Variants in FXYD3 observed in about 807,000 individuals in gnomAD.
FXYD3 encodes FXYD domain-containing ion transport regulator 3.
In FXYD3, 13 loss-of-function variants were observed where a neutral mutation model predicts 19.2. That is an observed-to-expected ratio of 0.68 (90% CI 0.44 to 1.08). The LOEUF (loss-of-function observed/expected upper bound fraction) is 1.08, where lower values mean the gene tolerates loss of function less well. Ranked by LOEUF, FXYD3 falls within the 50% of genes least tolerant of loss-of-function variation. FXYD3 has a pLI of 0.00. For synonymous variants in FXYD3, 48 were observed against 38.9 expected (o/e 1.23, Z -0.87); for missense variants, 101 against 109.4 (o/e 0.92, Z 0.34).
chr19:35,119,264 C>A (rs1183885044), intron 2 of FXYD3, 99 bp from the exon 3 acceptor site: 3 of 1,612,780 alleles, frequency 1.9e-6, no homozygotes, highest in African/African-American at 1.3e-5. Flanking sequence ...GAGCTGCGCA[C>A]CCTGCCTGGG....
intron 5 of FXYD3, 70 bp from the exon 6 acceptor site, chr19:35,122,695 G>A: frequency 1.6e-6 from 2 of 1,269,604 alleles, no homozygotes; most frequent in South Asian, 1.2e-5. Context: ...ATATATATTT[G>A]TCAAGAGAAT....
chr19:35,119,185 TC>T, intron 2 of FXYD3, 177 bp from the exon 3 acceptor site: 2 of 1,559,990 alleles, frequency 1.3e-6, no homozygotes, highest in Non-Finnish European at 1.7e-6. Flanking sequence ...TTTCACCCAG[TC>T]CCCACTCCAC....
At position 35,123,423 on chromosome 19, in the gene FXYD3, C is replaced by G. The variant is rs1204736530; in HGVS notation, c.248-18C>G. 1.2e-6 allele frequency: 2 copies of G among 1,613,982 alleles called. No homozygotes were observed. Among genetic ancestry groups the G allele is most frequent in the South Asian group, 2.2e-5 (2 of 91,072 alleles). ...AACTCAATCCACCCTCACAAACGGA[C>G]CCCATCACTTCCCGCAGGCTCAGCC... On this transcript the variant is annotated intron_variant, in intron 8 of 8. Transcript: ENST00000604404.
intron 3 of FXYD3, 90 bp downstream of exon 3, chr19:35,119,506 C>T (rs1408272211): frequency 2.5e-6 from 3 of 1,204,810 alleles, no homozygotes; most frequent in Non-Finnish European, 3.7e-6. Flanking sequence ...TTTCTACCTC[C>T]CCGGGAAGGT....
In FXYD3 at chr19:35,121,331, G is replaced by A. The variant is rs1255776477; in HGVS notation, c.97+86G>A. The A allele has an allele frequency of 9.3e-6, 15 of 1,613,972 alleles. No homozygotes were observed. The African/African-American group carries it at 9.3e-5, about 10-fold the overall frequency. On this transcript the variant is annotated intron_variant, in intron 5 of 8. Coordinates refer to ENST00000604404, the MANE Select transcript of FXYD3 (RefSeq NM_005971.4). ...TTCCCATACAGGGTTGGGGCCTGAC[G>A]TGAGCATCACAGGACAAAGATACGA... is the stretch of plus-strand genomic sequence containing the variant.
At position 35,122,722 on chromosome 19, in the gene FXYD3, A is replaced by G. The variant is rs202118232; in HGVS notation, c.98-43A>G. 5.7e-4 allele frequency: 839 copies of G among 1,479,372 alleles called. 1 individual carries two copies. The highest frequency in any genetic ancestry group is 1.2e-3 in the Middle Eastern group (6 of 5,194). The allele number at this position is 1,479,372 out of a possible 1,614,324, so 91.6% of individuals were successfully genotyped here. A position where few individuals can be genotyped will look rare whatever the true frequency, so the allele number is the denominator to read the frequency against. ...CAAGAGAATGGGGGGACAGATGGAG[A>G]GGACACAGGCTGGCACTGAGGTCCC... is the stretch of plus-strand genomic sequence containing the variant. On this transcript the variant is annotated intron_variant, in intron 5 of 8. Coordinates refer to ENST00000604404, the MANE Select transcript of FXYD3 (RefSeq NM_005971.4).
intron 2 of FXYD3, chr19:35,117,129 C>T: frequency 7.5e-7 from 1 of 1,327,060 alleles, no homozygotes; most frequent in Non-Finnish European, 9.6e-7. Context: ...ACCTGCTCAC[C>T]AACCACATCA....
intron 3 of FXYD3, among the ~76,000 whole-genome samples, chr19:35,120,574 T>C (rs539732606): frequency 1.3e-5 from 2 of 152,286 alleles, no homozygotes; most frequent in African/African-American, 2.4e-5. Context: ...CCCTGCAGGG[T>C]AGTGATCTAA....
At chr19:35,117,930 A>G (rs2064936912) in intron 2 of FXYD3, 1 of 152,036 alleles carries the variant, frequency 6.6e-6, no homozygotes, top group Admixed American at 6.6e-5. Context: ...CTCTCTCAGC[A>G]TTTTTGCTGT....
intron 2 of FXYD3, 174 bp downstream of exon 2, chr19:35,116,533 C>T (rs1485151819): frequency 2.0e-6 from 2 of 985,458 alleles, no homozygotes. Flanking sequence ...CCCCTAATGT[C>T]CCTTTCCCCA....
At position 35,122,300 on chromosome 19, in the gene FXYD3, G is replaced by A. The variant is rs753365000; in HGVS notation, c.98-465G>A. On this transcript the variant is annotated intron_variant, in intron 5 of 8. Transcript: ENST00000604404. ...CTGCTGAGTAGCTGGGATTACAGGC[G>A]CCTACCACCATGCCTGGCTAATTTT... Among the ~76,000 whole-genome samples, 15 of 150,768 alleles carry A rather than the reference G, an allele frequency of 9.9e-5. No homozygotes were observed. The Middle Eastern group carries it at 0.011, about 106-fold the overall frequency.
intron 7 of FXYD3, 45 bp from the exon 8 acceptor site, chr19:35,123,226 G>A: frequency 6.4e-7 from 1 of 1,551,388 alleles, no homozygotes; most frequent in Non-Finnish European, 8.7e-7. Flanking sequence ...GGAGGGAGAG[G>A]GCAAATGGGG....
Position 35,115,849 on chromosome 19 carries a change from C to T in FXYD3, c.-221C>T, listed in dbSNP as rs2064874676. On this transcript the variant is annotated 5_prime_UTR_variant, in exon 1 of 9. Coordinates refer to ENST00000604404, the MANE Select transcript of FXYD3 (RefSeq NM_005971.4). Reference sequence around the variant, plus strand: ...GTCACGCTAGCATCTTCTGCTGATCCTGAAATTGTACCAGCGGCAAGATGT... The same window carrying T: ...GTCACGCTAGCATCTTCTGCTGATCTTGAAATTGTACCAGCGGCAAGATGT... 6.6e-6 allele frequency: 1 copy of T among 152,268 alleles called. No individual in the cohort carries two copies. Among genetic ancestry groups the T allele is most frequent in the Admixed American group, 6.5e-5 (1 of 15,276 alleles). The allele number at this position is 152,268 out of a possible 1,614,324, so 9.4% of individuals were successfully genotyped here. A position where few individuals can be genotyped will look rare whatever the true frequency, so the allele number is the denominator to read the frequency against.
At chr19:35,117,015 G>A (rs1273617045) in intron 2 of FXYD3, 16 of 985,254 alleles carry the variant, frequency 1.6e-5, no homozygotes, top group Non-Finnish European at 1.8e-5. Context: ...GATAGCAGAG[G>A]GCAGGTGGGG....
Position 35,122,969 on chromosome 19 carries a change from CG to C in FXYD3, c.209+17del. On this transcript the variant is annotated intron_variant, in intron 7 of 8. Coordinates refer to ENST00000604404, the MANE Select transcript of FXYD3 (RefSeq NM_005971.4). ...CAGAAGTCCGGGTAAGATACTGTTC[CG>C]GCATGCCCGCCTCAGGCTGACTGGA... 11 of 1,567,892 alleles carry C rather than the reference CG, an allele frequency of 7.0e-6. No homozygotes were observed. The highest frequency in any genetic ancestry group is 8.7e-6 in the Non-Finnish European group (10 of 1,155,790).
In FXYD3 at chr19:35,119,357, C is replaced by T; in HGVS notation, c.-14-6C>T. On this transcript the variant is annotated splice_region_variant and splice_polypyrimidine_tract_variant and intron_variant, in intron 2 of 8. Coordinates refer to ENST00000604404, the MANE Select transcript of FXYD3 (RefSeq NM_005971.4). Reference sequence around the variant, plus strand: ...GCTAAGGCCAGACCTCCCGCCACCCCTCTAGGCCAGCGCTCTGACATGCAG... The same window carrying T: ...GCTAAGGCCAGACCTCCCGCCACCCTTCTAGGCCAGCGCTCTGACATGCAG... The T allele has an allele frequency of 6.2e-7, 1 of 1,614,140 alleles. No individual in the cohort carries two copies. Among genetic ancestry groups the T allele is most frequent in the Non-Finnish European group, 8.5e-7 (1 of 1,179,968 alleles).
In FXYD3 at chr19:35,119,684, T is replaced by TTTG. The variant is rs1242388710; in HGVS notation, c.40+271_40+273dup. ...TTTTGTTTTTGTTTTTGTTTTTGTT[T>TTTG]TTGTTTTTGAAAGGGAGTCTCTGTT... is the stretch of plus-strand genomic sequence containing the variant. On this transcript the variant is annotated intron_variant, in intron 3 of 8. Coordinates refer to ENST00000604404, the MANE Select transcript of FXYD3 (RefSeq NM_005971.4). 1.1e-5 allele frequency: 6 copies of TTTG among 545,880 alleles called. No homozygotes were observed. The African/African-American group carries it at 1.1e-4, about 10-fold the overall frequency. The allele number at this position is 545,880 out of a possible 1,614,324, so 33.8% of individuals were successfully genotyped here.
intron 2 of FXYD3, chr19:35,118,664 A>G (rs1306323944): frequency 1.2e-5 from 9 of 781,626 alleles, no homozygotes; most frequent in Non-Finnish European, 1.4e-5. Context: ...CGGGAAGGGC[A>G]TGGGTGTGGG....
chr19:35,121,515 G>C, intron 5 of FXYD3: 1 of 1,422,206 alleles, frequency 7.0e-7, no homozygotes, highest in East Asian at 2.6e-5. Flanking sequence ...ATCAACTGCT[G>C]GGAGAAGTGT....
Sources: allele counts gnomAD v4.1 joint callset (sites outside exome capture counted in the v4.1 genomes callset), GRCh38; gene constraint gnomAD v4.1.1; transcripts MANE v1.5; gene names NCBI Gene and HGNC (gene_info 2026-07-23, HGNC 2026-07-21).